Variants in PRMT2 observed in about 807,000 individuals in gnomAD.
PRMT2 encodes the protein protein arginine N-methyltransferase 2.
PRMT2 carries 26 observed loss-of-function variants against 57.6 expected under a neutral mutation model. The ratio of observed to expected loss-of-function variants is 0.45; its 90% CI spans 0.33 to 0.63. The LOEUF is 0.63. PRMT2 is among the 20% of genes least tolerant of loss of function. PRMT2 has a pLI of 0.02. For synonymous variants in PRMT2, 219 were observed against 220.0 expected (o/e 1.00, Z 0.04); for missense variants, 472 against 564.4 (o/e 0.84, Z 1.66).
In PRMT2 at chr21:46,664,518, C is replaced by A; in HGVS notation, c.*191C>A. ...CAAACACGCTTGGGCTCGGCAGGAGCTGCCGTGGCCACCCCCGCTGCCCAG... is the reference window on the plus strand; with the variant it reads ...CAAACACGCTTGGGCTCGGCAGGAGATGCCGTGGCCACCCCCGCTGCCCAG... On this transcript the variant is annotated 3_prime_UTR_variant, in exon 12 of 12. Transcript: ENST00000355680. 1.5e-6 allele frequency: 1 copy of A among 688,330 alleles called. No homozygotes were observed. 42.6% of individuals were successfully genotyped at this position (688,330 alleles called of 1,614,324 possible).
intron 2 of PRMT2, 138 bp downstream of exon 2, chr21:46,636,685 C>T (rs145449907): frequency 1.1e-4 from 51 of 475,932 alleles, no homozygotes; most frequent in African/African-American, 9.5e-4. Context: ...ACCTTGCAGA[C>T]TAGTGAAGAA....
Position 46,664,606 on chromosome 21 carries a change from C to G in PRMT2, c.*279C>G. 1.8e-6 allele frequency: 1 copy of G among 542,494 alleles called. No individual in the cohort carries two copies. The highest frequency in any genetic ancestry group is 3.3e-6 in the Non-Finnish European group (1 of 301,450). 33.6% of individuals were successfully genotyped at this position (542,494 alleles called of 1,614,324 possible). A position where few individuals can be genotyped will look rare whatever the true frequency, so the allele number is the denominator to read the frequency against. Reference sequence around the variant, plus strand: ...TCACCCGTGGTGCCCACAGTGCCGACCCGTGGCTGGGTCGGAGCTCCATGT... The same window carrying G: ...TCACCCGTGGTGCCCACAGTGCCGAGCCGTGGCTGGGTCGGAGCTCCATGT... On this transcript the variant is annotated 3_prime_UTR_variant, in exon 12 of 12. Transcript: ENST00000355680.
At chr21:46,652,975 G>A (rs9981048) in intron 7 of PRMT2, 60 of 1,241,364 alleles carry the variant, frequency 4.8e-5, no homozygotes, top group African/African-American at 6.3e-5. Flanking sequence ...CTTTCAGGAC[G>A]CTTTGCAAGG....
At chr21:46,659,997 C>T (rs2061596754) in intron 8 of PRMT2, 1 of 983,736 alleles carries the variant, frequency 1.0e-6, no homozygotes, top group South Asian at 4.7e-5. Context: ...ATAAGTATAT[C>T]ACAATGCTAA....
intron 10 of PRMT2, among the ~76,000 whole-genome samples, chr21:46,662,281 G>A (rs973863524): frequency 2.6e-5 from 4 of 152,204 alleles, no homozygotes; most frequent in Non-Finnish European, 5.9e-5. Flanking sequence ...GGGCGTCGGG[G>A]TTCACCTGAC....
At chr21:46,652,834 G>A (rs750041504) in intron 7 of PRMT2, 62 of 1,278,438 alleles carry the variant, frequency 4.8e-5, no homozygotes, top group East Asian at 1.2e-4. Flanking sequence ...CCTAATTTGC[G>A]TTATCATTAG....
At chr21:46,643,005 C>T (rs918293901) in intron 3 of PRMT2, among the ~76,000 whole-genome samples, 62 of 147,834 alleles carry the variant, frequency 4.2e-4, no homozygotes, top group African/African-American at 1.6e-3. Context: ...CCAGCCTGGG[C>T]AACAGAGCAA....
chr21:46,663,343 C>G, intron 10 of PRMT2, 40 bp from the exon 11 acceptor site: 1 of 1,580,186 alleles, frequency 6.3e-7, no homozygotes, highest in Non-Finnish European at 8.6e-7. Flanking sequence ...GGAGACTGCC[C>G]TAGCTCAGCC....
At position 46,649,683 on chromosome 21, in the gene PRMT2, G is replaced by C. The variant is rs2061420077; in HGVS notation, c.598G>C (p.Val200Leu). The C allele has an allele frequency of 6.2e-7, 1 of 1,613,916 alleles. No individual in the cohort carries two copies. Among genetic ancestry groups the C allele is most frequent in the South Asian group, 1.1e-5 (1 of 91,070 alleles). ...GTACCAGCAGAAGGTGGAGGATGTG[G>C]TGCTGCCCGAGAAGGTGGACGTGCT... The part of the protein sequence containing the change: ...TVYQQKVEDV[V>L]LPEKVDVLVS... The change falls in exon 7 of 12, where the codon GTG becomes CTG. Residue 200 changes from valine (V) to leucine (L), a missense_variant. Transcript: ENST00000355680. The surrounding 1 kb of genome is among the most constrained non-coding windows in gnomAD (Gnocchi z 4.8).
chr21:46,641,070 G>A (rs2061264157), intron 3 of PRMT2, among the ~76,000 whole-genome samples: 1 of 142,034 alleles, frequency 7.0e-6, no homozygotes, highest in Admixed American at 7.5e-5. Context: ...GTTGCCATGA[G>A]CCAGGATCAT....
At chr21:46,651,817 C>G (rs1343171036) in intron 7 of PRMT2, 34 of 1,612,906 alleles carry the variant, frequency 2.1e-5, no homozygotes, top group Non-Finnish European at 2.7e-5. Context: ...CTGCGCCTCT[C>G]CTGAGCTGCC....
In PRMT2 at chr21:46,648,301, T is replaced by A; in HGVS notation, c.328-157T>A. 1.5e-6 allele frequency: 1 copy of A among 663,200 alleles called. No homozygotes were observed. Among genetic ancestry groups the A allele is most frequent in the Admixed American group, 2.9e-5 (1 of 34,592 alleles). The allele number at this position is 663,200 out of a possible 1,614,324, so 41.1% of individuals were successfully genotyped here. A position where few individuals can be genotyped will look rare whatever the true frequency, so the allele number is the denominator to read the frequency against. ...AAGTGTTCTCTAAATACCAATGAGA[T>A]TAACTTGGTTGACAGTGATGTCCAG... On this transcript the variant is annotated intron_variant, in intron 5 of 11. Coordinates refer to ENST00000355680, the MANE Select transcript of PRMT2 (RefSeq NM_206962.4). This position sits in a 1 kb window ranked among gnomAD's most constrained non-coding sequence, Gnocchi z 4.8.
intron 7 of PRMT2, among the ~76,000 whole-genome samples, chr21:46,656,462 G>A (rs2061542955): frequency 6.6e-6 from 1 of 152,216 alleles, no homozygotes; most frequent in Non-Finnish European, 1.5e-5. Flanking sequence ...TGAAGCTACA[G>A]TAATCAGGAC....
intron 8 of PRMT2, chr21:46,659,603 T>C (rs1027340129): frequency 1.1e-5 from 11 of 977,016 alleles, no homozygotes; most frequent in Non-Finnish European, 1.3e-5. Context: ...AAATACATGC[T>C]GTTTTCCCTA....
intron 11 of PRMT2, 95 bp downstream of exon 11, chr21:46,663,649 C>G: frequency 7.8e-7 from 1 of 1,284,036 alleles, no homozygotes; most frequent in Non-Finnish European, 1.1e-6. Flanking sequence ...CTGGCCCACA[C>G]TGGGGTCCAC....
chr21:46,661,704 C>G, intron 9 of PRMT2, 96 bp from the exon 10 acceptor site: 1 of 1,191,584 alleles, frequency 8.4e-7, no homozygotes, highest in Non-Finnish European at 1.1e-6. Flanking sequence ...CTGACGCATT[C>G]AGCGTCTGCG....
At chr21:46,664,235 G>A in intron 11 of PRMT2, 60 bp from the exon 12 acceptor site, 1 of 1,380,212 alleles carries the variant, frequency 7.2e-7, no homozygotes, top group South Asian at 1.2e-5. Flanking sequence ...ATTAGGAAAT[G>A]TAGTATGTTA....
At chr21:46,661,723 G>T in intron 9 of PRMT2, 77 bp from the exon 10 acceptor site, 1 of 1,249,798 alleles carries the variant, frequency 8.0e-7, no homozygotes, top group South Asian at 2.9e-5. Flanking sequence ...CGCGGGGCGC[G>T]TGGAGGGGGC....
At chr21:46,661,727 AG>A (rs2061625585) in intron 9 of PRMT2, 72 bp from the exon 10 acceptor site, 4 of 1,249,956 alleles carry the variant, frequency 3.2e-6, no homozygotes, top group Non-Finnish European at 2.0e-6. Flanking sequence ...GGGCGCGTGG[AG>A]GGGGCCGCCC....
Sources: gnomAD v4.1 joint callset for allele counts (sites outside exome capture counted in the v4.1 genomes callset) on GRCh38, gnomAD v4.1.1 for gene constraint, Gnocchi (gnomAD v3.1) non-coding constraint, MANE v1.5 for transcripts, NCBI Gene and HGNC (gene_info 2026-07-23, HGNC 2026-07-21) for gene names.